CR1: variants seen among roughly 807,000 people sequenced by gnomAD.
The protein encoded by CR1 is complement C3b/C4b receptor 1 (Knops blood group).
CR1 carries 116 observed loss-of-function variants against 187.3 expected under a neutral mutation model. That is an observed-to-expected ratio of 0.62 (90% CI 0.53 to 0.72). The LOEUF is 0.72. CR1 is among the 30% of genes least tolerant of loss of function. CR1 has a pLI of 0.00. For synonymous variants in CR1, 576 were observed against 747.1 expected, an observed-to-expected ratio of 0.77 and a Z score of 3.73; for missense variants, 1,731 against 2,110.7, an observed-to-expected ratio of 0.82 and a Z score of 3.52.
intron 46 of CR1, among the ~76,000 whole-genome samples, chr1:207,632,627 T>C (rs1662679440): frequency 1.3e-5 from 2 of 150,372 alleles, no homozygotes; most frequent in South Asian, 2.1e-4. Context: ...CTCTACTAAA[T>C]ACACACACAC....
Position 207,578,171 on chromosome 1 carries a change from A to C in CR1, c.4904A>C (p.Lys1635Thr). The C allele has an allele frequency of 6.2e-7, 1 of 1,611,864 alleles. No homozygotes were observed. Among genetic ancestry groups the C allele is most frequent in the Non-Finnish European group, 8.5e-7 (1 of 1,179,716 alleles). ...PRRVKCQALN[K>T]WEPELPSCSR... ...CGTGTGAAGTGCCAGGCCCTGAACAAATGGGAGCCAGAGTTACCAAGCTGC... is the reference window on the plus strand; with the variant it reads ...CGTGTGAAGTGCCAGGCCCTGAACACATGGGAGCCAGAGTTACCAAGCTGC... The change falls in exon 29 of 47, where the codon AAA becomes ACA. Residue 1635 changes from lysine (K) to threonine (T), a missense_variant. Physicochemically the swap from Lys to Thr is moderately conservative, Grantham distance 78. This residue lies in a region of CR1 where 1,312 missense variants were observed against 1,379.6 expected (regional missense o/e 0.95). Transcript: ENST00000367049.
At position 207,499,546 on chromosome 1, in the gene CR1, G is replaced by A. The variant is rs1354655395; in HGVS notation, c.121+3158G>A. On this transcript the variant is annotated intron_variant, in intron 1 of 46. Coordinates refer to ENST00000367049, the MANE Select transcript of CR1 (RefSeq NM_000651.6). ...ACCATCAATCCACTTGGGTATAATT[G>A]ACATATATAGATGACTTCATCCACA... Among the ~76,000 whole-genome samples, 3 of 152,164 alleles carry A rather than the reference G, an allele frequency of 2.0e-5. No individual in the cohort carries two copies. In the East Asian group the frequency reaches 5.8e-4, roughly 29 times the overall value.
intron 46 of CR1, among the ~76,000 whole-genome samples, chr1:207,638,613 C>T (rs988020792): frequency 6.6e-6 from 1 of 152,214 alleles, no homozygotes; most frequent in Non-Finnish European, 1.5e-5. Flanking sequence ...TCCAAACCCT[C>T]CTGTTCTTTT....
At chr1:207,624,807 A>G (rs1662430599) in intron 45 of CR1, among the ~76,000 whole-genome samples, 1 of 152,198 alleles carries the variant, frequency 6.6e-6, no homozygotes, top group African/African-American at 2.4e-5. Context: ...GTACCATATA[A>G]TTAGTGAGTT....
intron 46 of CR1, among the ~76,000 whole-genome samples, chr1:207,635,643 C>A (rs1476363228): frequency 2.0e-5 from 3 of 152,160 alleles, no homozygotes; most frequent in Non-Finnish European, 2.9e-5. Context: ...ACTAATCTTC[C>A]TCAGCGCAGA....
In CR1 at chr1:207,581,195, C is replaced by T. The variant is rs558077930; in HGVS notation, c.5216+582C>T. On this transcript the variant is annotated intron_variant, in intron 31 of 46. Transcript: ENST00000367049. Reference sequence around the variant, plus strand: ...GTATACATATGTGTATACATGGACACGTATATGTAGACGTATACATATGGA... The same window carrying T: ...GTATACATATGTGTATACATGGACATGTATATGTAGACGTATACATATGGA... 1.6e-4 allele frequency among the ~76,000 whole-genome samples: 23 copies of T among 147,364 alleles called. No individual in the cohort carries two copies. The South Asian group carries it at 3.5e-3, about 23-fold the overall frequency.
chr1:207,509,995 G>A lies in CR1; in HGVS notation c.402-1574G>A, dbSNP rs1466860562. 5.9e-5 allele frequency among the ~76,000 whole-genome samples: 9 copies of A among 152,216 alleles called. No individual in the cohort carries two copies. In the East Asian group the frequency reaches 1.4e-3, roughly 23 times the overall value. On this transcript the variant is annotated intron_variant, in intron 3 of 46. Transcript: ENST00000367049. ...GGCTGAGGTGGGTGGATTACCTGAAGTCAGGAATTCAAGACCAGCCTGGTC... is the reference window on the plus strand; with the variant it reads ...GGCTGAGGTGGGTGGATTACCTGAAATCAGGAATTCAAGACCAGCCTGGTC...
intron 3 of CR1, among the ~76,000 whole-genome samples, chr1:207,507,920 C>T (rs1259910172): frequency 6.6e-6 from 1 of 152,150 alleles, no homozygotes; most frequent in Non-Finnish European, 1.5e-5. Flanking sequence ...AACTGTGGTA[C>T]ATCCATACAA....
At position 207,577,787 on chromosome 1, in the gene CR1, T is replaced by G; in HGVS notation, c.4538-18T>G. On this transcript the variant is annotated intron_variant, in intron 28 of 46. Transcript: ENST00000367049. ...GTCCCAAGGTTTTGTTTTGGTTAAC[T>G]TGCTGTCTCTTTTCCAGGAATTCCT... 6.2e-7 allele frequency: 1 copy of G among 1,613,464 alleles called. No individual in the cohort carries two copies. Among genetic ancestry groups the G allele is most frequent in the East Asian group, 2.2e-5 (1 of 44,830 alleles).
intron 35 of CR1, among the ~76,000 whole-genome samples, chr1:207,601,947 A>G (rs1290739492): frequency 1.3e-5 from 2 of 152,098 alleles, no homozygotes; most frequent in Non-Finnish European, 2.9e-5. Context: ...GGCTTCTCCA[A>G]AGGACAGCTG....
chr1:207,578,349 T>C (rs1415031082), intron 29 of CR1, 146 bp downstream of exon 29: 23 of 1,514,482 alleles, frequency 1.5e-5, no homozygotes, highest in Non-Finnish European at 2.0e-5. Flanking sequence ...AATTAAGAAT[T>C]GGGGGTGTGC....
intron 41 of CR1, 130 bp from the exon 42 acceptor site, chr1:207,617,941 G>T: frequency 1.1e-6 from 1 of 918,068 alleles, no homozygotes; most frequent in Non-Finnish European, 1.6e-6. Flanking sequence ...GGAGGGAGTG[G>T]CTTATGACCT....
chr1:207,587,761 G>A (rs1661155672), intron 34 of CR1, among the ~76,000 whole-genome samples, 196 bp downstream of exon 34: 1 of 152,208 alleles, frequency 6.6e-6, no homozygotes, highest in Non-Finnish European at 1.5e-5. Flanking sequence ...AAACAACGTA[G>A]GTGGGATTTG....
At chr1:207,516,834 T>C (rs749861847) in intron 4 of CR1, among the ~76,000 whole-genome samples, 18 of 152,176 alleles carry the variant, frequency 1.2e-4, no homozygotes, top group Non-Finnish European at 2.5e-4. Flanking sequence ...ATAAATTGAA[T>C]AGTTTATCTG....
intron 45 of CR1, among the ~76,000 whole-genome samples, chr1:207,624,649 C>T (rs1662425857): frequency 6.6e-6 from 1 of 152,098 alleles, no homozygotes; most frequent in African/African-American, 2.4e-5. Context: ...AAATATCCAT[C>T]CTTCCTAACT....
At position 207,626,374 on chromosome 1, in the gene CR1, C is replaced by T. The variant is rs147409207; in HGVS notation, c.7352+3306C>T. On this transcript the variant is annotated intron_variant, in intron 45 of 46. Coordinates refer to ENST00000367049, the MANE Select transcript of CR1 (RefSeq NM_000651.6). The stretch of plus-strand genomic sequence containing the variant: ...TGGGCTGATTAATCATGCAGTCATA[C>T]CTCCTTGAGTGGGTGTGGCCAATAA... Among the ~76,000 whole-genome samples, 848 of 152,308 alleles carry T rather than the reference C, an allele frequency of 5.6e-3. 5 individuals are homozygous for T. The highest frequency in any genetic ancestry group is 0.01 in the Middle Eastern group (3 of 294).
At chr1:207,502,970 C>T (rs533106424) in intron 1 of CR1, among the ~76,000 whole-genome samples, 2 of 152,336 alleles carry the variant, frequency 1.3e-5, no homozygotes, top group South Asian at 2.1e-4. Flanking sequence ...TTCCCGACAG[C>T]ATAGGCTCAT....
chr1:207,503,892 G>T (rs1484457759), intron 1 of CR1, among the ~76,000 whole-genome samples: 6 of 152,204 alleles, frequency 3.9e-5, no homozygotes, highest in Non-Finnish European at 8.8e-5. Context: ...TAAGTGAAAA[G>T]GTGAAAGTTG....
At chr1:207,636,278 C>T (rs377271274) in intron 46 of CR1, among the ~76,000 whole-genome samples, 3 of 152,232 alleles carry the variant, frequency 2.0e-5, no homozygotes, top group South Asian at 2.1e-4. Flanking sequence ...TCAGCAACTC[C>T]TGCGATTGCC....
Sources: gnomAD v4.1 joint callset for allele counts (sites outside exome capture counted in the v4.1 genomes callset) on GRCh38, gnomAD v4.1.1 for gene constraint, gnomAD v4.1.1 regional missense constraint, MANE v1.5 for transcripts, NCBI Gene and HGNC (gene_info 2026-07-23, HGNC 2026-07-21) for gene names.